FHIP1B: variants seen among roughly 807,000 people sequenced by gnomAD.
The protein encoded by FHIP1B is FHF complex subunit HOOK-interacting protein 1B.
A neutral mutation model predicts 82.2 loss-of-function variants in FHIP1B; 28 were observed. The observed-to-expected ratio is 0.34, with a 90% CI of 0.25 to 0.47. The LOEUF (loss-of-function observed/expected upper bound fraction) is 0.47, where lower values mean the gene tolerates loss of function less well. Among genes scored for constraint, FHIP1B ranks in the 20% least tolerant of loss-of-function variants. The pLI, the probability that FHIP1B is intolerant of heterozygous loss-of-function variation, is 1.00. For missense variants in FHIP1B, 1,110 were observed against 1,262.6 expected, an observed-to-expected ratio of 0.88 and a Z score of 1.83; for synonymous variants, 585 against 516.1, an observed-to-expected ratio of 1.13 and a Z score of -1.81.
chr11:6,217,349 A>C, intron 9 of FHIP1B, 22 bp downstream of exon 9: 1 of 1,599,594 alleles, frequency 6.3e-7, no homozygotes, highest in Non-Finnish European at 8.6e-7. Context: ...ACAGAAGGGA[A>C]GGCCTAGGCT....
At position 6,217,345 on chromosome 11, in the gene FHIP1B, G is replaced by A. The variant is rs771892659; in HGVS notation, c.2215+26C>T. 5 of 1,596,750 alleles carry A rather than the reference G, an allele frequency of 3.1e-6. No homozygotes were observed. The Admixed American group carries it at 8.3e-5, about 27-fold the overall frequency. Reference sequence around the variant, plus strand: ...GAGAACATGCAAAGAGTACACAGAAGGGAAGGCCTAGGCTAAGTAGCTTAC... The same window carrying A: ...GAGAACATGCAAAGAGTACACAGAAAGGAAGGCCTAGGCTAAGTAGCTTAC... On this transcript the variant is annotated intron_variant, in intron 9 of 11. Transcript: ENST00000449352.
At chr11:6,219,775 C>T (rs931948040) in intron 6 of FHIP1B, among the ~76,000 whole-genome samples, 8 of 152,210 alleles carry the variant, frequency 5.3e-5, no homozygotes, top group Non-Finnish European at 7.3e-5. Flanking sequence ...ACTTCCCTTA[C>T]AGCAAGTGTG....
At chr11:6,220,142 A>T (rs754661072) in intron 6 of FHIP1B, among the ~76,000 whole-genome samples, 9 of 152,188 alleles carry the variant, frequency 5.9e-5, no homozygotes, top group Non-Finnish European at 1.3e-4. Flanking sequence ...AGATTATCCT[A>T]GATATCCACA....
rs145525932 is a variant in FHIP1B, at chr11:6,217,614, C to T, written c.1972G>A (p.Gly658Arg). 3.6e-3 allele frequency: 5,806 copies of T among 1,613,836 alleles called. 48 individuals are homozygous for T. Among genetic ancestry groups the T allele is most frequent in the African/African-American group, 0.027 (2,036 of 75,024 alleles). Residue 658 changes from glycine to arginine, a missense_variant, in exon 9 of 12, where the codon GGG becomes AGG. Gly to Arg is a moderately radical substitution (Grantham distance 125). This residue lies in a region of FHIP1B where 418 missense variants were observed against 371.4 expected (regional missense o/e 1.13). Coordinates refer to ENST00000449352, the MANE Select transcript of FHIP1B (RefSeq NM_001098794.2). ...TCGGAGATGCCCTCTAGCAGTTCCC[C>T]AGCTCCCTCCTTTGGCACCAGACGA... ...KVRLVPKEGA[G>R]ELLEGISEGM...
chr11:6,220,991 A>T (rs1180171305), intron 6 of FHIP1B, among the ~76,000 whole-genome samples: 2 of 152,202 alleles, frequency 1.3e-5, no homozygotes, highest in Non-Finnish European at 2.9e-5. Context: ...ATCTATCATG[A>T]TTACTTTTTG....
intron 1 of FHIP1B, among the ~76,000 whole-genome samples, chr11:6,229,356 T>C (rs325623): frequency 7.9e-5 from 12 of 152,218 alleles, no homozygotes; most frequent in African/African-American, 2.9e-4. Context: ...TAACAACCTA[T>C]GTAGCATTCC....
In FHIP1B at chr11:6,211,366, T is replaced by C. The variant is rs1211715745; in HGVS notation, c.*140A>G. ...AGAATAGAGATTTCCCTTTTATACA[T>C]ATTGCAACAAGTTCTCCATAAAACA... On this transcript the variant is annotated 3_prime_UTR_variant, in exon 12 of 12. Transcript: ENST00000449352. 2.5e-6 allele frequency: 3 copies of C among 1,204,008 alleles called. No individual in the cohort carries two copies. Among genetic ancestry groups the C allele is most frequent in the African/African-American group, 3.1e-5 (2 of 65,376 alleles). 74.6% of individuals were successfully genotyped at this position (1,204,008 alleles called of 1,614,324 possible). A position where few individuals can be genotyped will look rare whatever the true frequency, so the allele number is the denominator to read the frequency against.
At chr11:6,228,044 G>T (rs749264587) in intron 1 of FHIP1B, among the ~76,000 whole-genome samples, 47 of 152,182 alleles carry the variant, frequency 3.1e-4, no homozygotes, top group Non-Finnish European at 3.5e-4. Flanking sequence ...TCAGTAAAAT[G>T]AGAAAGGATA....
rs748852254 is a variant in FHIP1B, at chr11:6,223,871, C to T, written c.516G>A (p.Leu172=). ...TGAGAAGTAGCACCAAGCCTTCATC[C>T]AGTGCTGGGCTACTGGGCACAGGGC... ...CGRPVPSSPA[L]DEGLVLLLSQ... The change falls in exon 3 of 12, where the codon CTG becomes CTA. Residue 172 remains leucine, a synonymous_variant. Transcript: ENST00000449352. This position sits in a 1 kb window ranked among gnomAD's most constrained non-coding sequence, Gnocchi z 4.8. 2.5e-6 allele frequency: 4 copies of T among 1,614,242 alleles called. No homozygotes were observed. In the South Asian group the frequency reaches 4.4e-5, roughly 18 times the overall value.
Position 6,217,923 on chromosome 11 carries a change from G to C in FHIP1B, c.1663C>G (p.Leu555Val). The change falls in exon 9 of 12, where the codon CTG becomes GTG. Residue 555 changes from leucine (L) to valine (V), a missense_variant. Leu to Val is a conservative substitution (Grantham distance 32, BLOSUM62 1). Around this residue, in one of 6 missense-constraint regions of FHIP1B, gnomAD observed 418 missense variants for 371.4 expected, o/e 1.13. Transcript: ENST00000449352. ...TCCACACCACGACGTGCCTCACGCA[G>C]ATACTCCAGGTAATTGTCTTCCAGC... ...GELEDNYLEY[L>V]REARRGVDRC... 6.2e-7 allele frequency: 1 copy of C among 1,612,838 alleles called. No homozygotes were observed. The highest frequency in any genetic ancestry group is 8.5e-7 in the Non-Finnish European group (1 of 1,180,028).
intron 1 of FHIP1B, among the ~76,000 whole-genome samples, chr11:6,227,992 T>G (rs1331701853): frequency 6.6e-6 from 1 of 152,162 alleles, no homozygotes; most frequent in Non-Finnish European, 1.5e-5. Context: ...ATTAGTTAGT[T>G]AAAGAATAGG....
At position 6,223,918 on chromosome 11, in the gene FHIP1B, T is replaced by C; in HGVS notation, c.469A>G (p.Thr157Ala). The change falls in exon 3 of 12, where the codon ACC (threonine) becomes GCC (alanine). Residue 157 changes from threonine to alanine, a missense_variant. Transcript: ENST00000449352. The surrounding 1 kb of genome is among the most constrained non-coding windows in gnomAD (Gnocchi z 4.8). The part of the protein sequence containing the change: ...RHGPVREALL[T>A]LLDACGRPVP... ...GGGCGGCCACAGGCATCCAGCAGGG[T>C]GAGCAGAGCCTCACGAACTGGACCA... The C allele has an allele frequency of 6.2e-7, 1 of 1,614,124 alleles. No homozygotes were observed. Among genetic ancestry groups the C allele is most frequent in the South Asian group, 1.1e-5 (1 of 91,080 alleles).
At chr11:6,228,179 C>G (rs371224744) in intron 1 of FHIP1B, among the ~76,000 whole-genome samples, 3 of 152,094 alleles carry the variant, frequency 2.0e-5, no homozygotes, top group African/African-American at 7.2e-5. Flanking sequence ...GAAACCCCAT[C>G]TCTATTTTAA....
chr11:6,222,428 G>A lies in FHIP1B; in HGVS notation c.1191+14C>T. ...GGTCATCCAGGTAAGCTAGGACAGGGGTAAGGGCCATACCCGGGAGTTACT... is the reference window on the plus strand; with the variant it reads ...GGTCATCCAGGTAAGCTAGGACAGGAGTAAGGGCCATACCCGGGAGTTACT... On this transcript the variant is annotated intron_variant, in intron 6 of 11. Coordinates refer to ENST00000449352, the MANE Select transcript of FHIP1B (RefSeq NM_001098794.2). 3 of 1,613,274 alleles carry A rather than the reference G, an allele frequency of 1.9e-6. No individual in the cohort carries two copies. Among genetic ancestry groups the A allele is most frequent in the Non-Finnish European group, 2.5e-6 (3 of 1,179,910 alleles).
Position 6,224,202 on chromosome 11 carries a change from C to A in FHIP1B, c.185G>T (p.Gly62Val). 1 of 1,611,604 alleles carries A rather than the reference C, an allele frequency of 6.2e-7. No homozygotes were observed. The highest frequency in any genetic ancestry group is 2.2e-5 in the East Asian group (1 of 44,858). Reference sequence around the variant, plus strand: ...GCGCACAGCACTGAGATCGTCTGCACCCCCAGGAGCTGCCCGAGGGCCTTG... The same window carrying A: ...GCGCACAGCACTGAGATCGTCTGCAACCCCAGGAGCTGCCCGAGGGCCTTG... ...ERQGPRAAPG[G>V]ADDLSAVRNH... The change falls in exon 3 of 12, where the codon GGT becomes GTT. Residue 62 changes from glycine (G) to valine (V), a missense_variant. Physicochemically the swap from Gly to Val is moderately radical, Grantham distance 109 (BLOSUM62 -3). This residue lies in a region of FHIP1B where 467 missense variants were observed against 602.9 expected (regional missense o/e 0.77). Coordinates refer to ENST00000449352, the MANE Select transcript of FHIP1B (RefSeq NM_001098794.2).
rs946017205 is a variant in FHIP1B at position 6,217,531 on chromosome 11, C to T, written c.2055G>A (p.Leu685=). Residue 685 remains leucine, a synonymous_variant, in exon 9 of 12, where the codon TTG becomes TTA. Coordinates refer to ENST00000449352, the MANE Select transcript of FHIP1B (RefSeq NM_001098794.2). The part of the protein sequence containing the change: ...GQELRELEVA[L]SNGGTGSESP... ...ACTCTGAGCCAGTTCCCCCATTGCTCAATGCCACCTCTAGCTCCCGGAGCT... is the reference window on the plus strand; with the variant it reads ...ACTCTGAGCCAGTTCCCCCATTGCTTAATGCCACCTCTAGCTCCCGGAGCT... 2 of 1,610,668 alleles carry T rather than the reference C, an allele frequency of 1.2e-6. No individual in the cohort carries two copies. Among genetic ancestry groups the T allele is most frequent in the African/African-American group, 2.7e-5 (2 of 74,986 alleles).
Position 6,222,462 on chromosome 11 carries a change from G to T in FHIP1B, c.1171C>A (p.Arg391Ser). 2 of 1,613,922 alleles carry T rather than the reference G, an allele frequency of 1.2e-6. No individual in the cohort carries two copies. The highest frequency in any genetic ancestry group is 2.2e-5 in the South Asian group (2 of 91,024). Residue 391 changes from arginine (R) to serine (S), a missense_variant, in exon 6 of 12, where the codon CGT (arginine) becomes AGT (serine). Arg to Ser is a moderately radical substitution (Grantham distance 110). Transcript: ENST00000449352. ...CATACCCGGGAGTTACTGCCAATAC[G>T]AGCAACGAGGGTGTCGAGGATGGTG... is the stretch of plus-strand genomic sequence containing the variant. ...THTILDTLVA[R>S]IGSNSRLCMV...
chr11:6,216,993 AG>A lies in FHIP1B; in HGVS notation c.2215+377del, dbSNP rs946566864. On this transcript the variant is annotated intron_variant, in intron 9 of 11. Coordinates refer to ENST00000449352, the MANE Select transcript of FHIP1B (RefSeq NM_001098794.2). ...AGAGTGTTTAGGTGCCTCTCCATAC[AG>A]GACAGCACATACGTCTTCAATATGG... 8 of 662,892 alleles carry A rather than the reference AG, an allele frequency of 1.2e-5. No homozygotes were observed. In the African/African-American group the frequency reaches 1.4e-4, roughly 12 times the overall value. 41.1% of individuals were successfully genotyped at this position (662,892 alleles called of 1,614,324 possible).
At position 6,218,076 on chromosome 11, in the gene FHIP1B, G is replaced by C. The variant is rs747764873; in HGVS notation, c.1510C>G (p.Leu504Val). The C allele has an allele frequency of 4.9e-5, 79 of 1,613,626 alleles. 1 individual carries two copies. The South Asian group carries it at 7.7e-4, about 16-fold the overall frequency. The change falls in exon 9 of 12, where the codon CTC becomes GTC. Residue 504 changes from leucine to valine, a missense_variant. This residue lies in a region of FHIP1B where 418 missense variants were observed against 371.4 expected (regional missense o/e 1.13). Transcript: ENST00000449352. ...PRPSTPSRLA[L>V]FLRQQSLGGS... ...CCCAGGCTCTGCTGCCGCAGGAAGA[G>C]AGCCAGACGAGATGGTGTGGAGGGC...
Sources: gnomAD v4.1 joint callset for allele counts (sites outside exome capture counted in the v4.1 genomes callset) on GRCh38, gnomAD v4.1.1 for gene constraint, gnomAD v4.1.1 regional missense constraint, Gnocchi (gnomAD v3.1) non-coding constraint, MANE v1.5 for transcripts, NCBI Gene and HGNC (gene_info 2026-07-23, HGNC 2026-07-21) for gene names.